The following CLNK variants were observed in gnomAD, a reference collection of about 807,000 sequenced individuals.
CLNK encodes cytokine-dependent hematopoietic cell linker.
A neutral mutation model predicts 68.6 loss-of-function variants in CLNK; 74 were observed. That is an observed-to-expected ratio of 1.08 (90% CI 0.89 to 1.31). The LOEUF (loss-of-function observed/expected upper bound fraction) is 1.31, where lower values mean the gene tolerates loss of function less well. Ranked by LOEUF, CLNK falls within the 50% of genes most tolerant of loss-of-function variation. The probability of loss-of-function intolerance (pLI) is 0.00; values close to 1 mark genes in which losing one functional copy is unlikely to be tolerated. For missense variants in CLNK, 553 were observed against 515.3 expected (o/e 1.07, Z -0.71); for synonymous variants, 198 against 172.2 (o/e 1.15, Z -1.17).
At chr4:10,612,269 C>T (rs1452707393) in intron 2 of CLNK, among the ~76,000 whole-genome samples, 1 of 152,214 alleles carries the variant, frequency 6.6e-6, no homozygotes, top group African/African-American at 2.4e-5. Flanking sequence ...TGTGAAGTGA[C>T]AGAAATGAGC....
chr4:10,533,571 G>A (rs1485993685), intron 11 of CLNK, among the ~76,000 whole-genome samples: 1 of 152,174 alleles, frequency 6.6e-6, no homozygotes, highest in African/African-American at 2.4e-5. Context: ...CTGTACCAAG[G>A]TTCCACGGTT....
At chr4:10,492,745 C>T (rs1024524365) in intron 18 of CLNK, among the ~76,000 whole-genome samples, 2 of 152,144 alleles carry the variant, frequency 1.3e-5, no homozygotes. Context: ...CAAACAGACA[C>T]CACGCTGGGG....
chr4:10,704,947 A>G, the CLNK span, among the ~76,000 whole-genome samples: 1 of 152,154 alleles, frequency 6.6e-6, no homozygotes, highest in African/African-American at 2.4e-5. Flanking sequence ...AGTGGTACCA[A>G]TGTGGTCAAT....
the CLNK span, among the ~76,000 whole-genome samples, chr4:10,703,880 T>C: frequency 1.3e-5 from 2 of 152,210 alleles, no homozygotes; most frequent in African/African-American, 4.8e-5. Flanking sequence ...GGGACCACTG[T>C]TGTATATGCA....
the CLNK span, among the ~76,000 whole-genome samples, chr4:10,731,042 C>T: frequency 6.6e-6 from 1 of 152,208 alleles, no homozygotes; most frequent in Non-Finnish European, 1.5e-5. Context: ...TTTAAAATAT[C>T]CAGCACTTCA....
the CLNK span, among the ~76,000 whole-genome samples, chr4:10,699,451 A>T: frequency 8.1e-6 from 1 of 124,006 alleles, no homozygotes; most frequent in African/African-American, 3.0e-5. Context: ...TATATAACCT[A>T]TGTACATCCT....
At chr4:10,678,569 A>G (rs1724961474) in intron 1 of CLNK, among the ~76,000 whole-genome samples, 1 of 152,232 alleles carries the variant, frequency 6.6e-6, no homozygotes, top group South Asian at 2.1e-4. Flanking sequence ...TGATGAAATT[A>G]GTTTCTGTAG....
chr4:10,706,793 A>G, the CLNK span, among the ~76,000 whole-genome samples: 1 of 152,102 alleles, frequency 6.6e-6, no homozygotes, highest in Admixed American at 6.6e-5. Context: ...TCCCTGTATG[A>G]TGTCTATAAA....
the CLNK span, among the ~76,000 whole-genome samples, chr4:10,691,876 T>C: frequency 1.3e-5 from 2 of 152,130 alleles, no homozygotes; most frequent in Non-Finnish European, 2.9e-5. Flanking sequence ...TATTAGTACA[T>C]GTGATTATTA....
the CLNK span, among the ~76,000 whole-genome samples, chr4:10,717,265 T>G: frequency 6.6e-6 from 1 of 152,154 alleles, no homozygotes; most frequent in African/African-American, 2.4e-5. Flanking sequence ...GATGTGTTTC[T>G]CTCCCTCCTC....
chr4:10,666,308 GTGTATGCCATC>G (rs1377373248), intron 2 of CLNK, among the ~76,000 whole-genome samples: 2 of 152,170 alleles, frequency 1.3e-5, no homozygotes, highest in African/African-American at 4.8e-5. Flanking sequence ...CTGCTGTGCT[GTGTATGCCATC>G]AGCACAAACC....
chr4:10,560,571 G>A (rs1031644932), intron 7 of CLNK, among the ~76,000 whole-genome samples: 2 of 152,044 alleles, frequency 1.3e-5, no homozygotes, highest in African/African-American at 4.8e-5. Context: ...AGCCTCCCAA[G>A]TAGCTGGGAC....
At chr4:10,576,968 G>T (rs1477345877) in intron 4 of CLNK, among the ~76,000 whole-genome samples, 2 of 152,230 alleles carry the variant, frequency 1.3e-5, no homozygotes, top group African/African-American at 2.4e-5. Flanking sequence ...GCTTTGCAGG[G>T]ACAGGGTAGC....
At chr4:10,673,306 A>G (rs1724731486) in intron 1 of CLNK, among the ~76,000 whole-genome samples, 1 of 152,194 alleles carries the variant, frequency 6.6e-6, no homozygotes, top group Non-Finnish European at 1.5e-5. Flanking sequence ...ACAGCTTTCT[A>G]TGGAACAGGT....
At chr4:10,591,709 C>T (rs1721184805) in intron 3 of CLNK, among the ~76,000 whole-genome samples, 1 of 152,184 alleles carries the variant, frequency 6.6e-6, no homozygotes, top group Non-Finnish European at 1.5e-5. Flanking sequence ...GCACAAGTGC[C>T]ACTTAAATTC....
intron 14 of CLNK, among the ~76,000 whole-genome samples, chr4:10,521,902 G>A (rs1410149561): frequency 6.6e-6 from 1 of 152,088 alleles, no homozygotes; most frequent in Non-Finnish European, 1.5e-5. Flanking sequence ...TCCTCTTGAG[G>A]ATATTCTAGA....
intron 1 of CLNK, among the ~76,000 whole-genome samples, chr4:10,684,024 T>A (rs1228903338): frequency 2.0e-5 from 3 of 152,222 alleles, no homozygotes; most frequent in African/African-American, 7.2e-5. Flanking sequence ...TGATAGTTAT[T>A]TTCTTTTCTG....
chr4:10,656,329 A>G (rs1376664688), intron 2 of CLNK, among the ~76,000 whole-genome samples: 2 of 85,034 alleles, frequency 2.4e-5, no homozygotes, highest in Non-Finnish European at 5.4e-5. Context: ...CAAATGCCTG[A>G]CCAAAAAAAA....
At chr4:10,701,650 G>T in the CLNK span, among the ~76,000 whole-genome samples, 1 of 152,174 alleles carries the variant, frequency 6.6e-6, no homozygotes, top group Non-Finnish European at 1.5e-5. Flanking sequence ...CTTGCCACAC[G>T]CCACCATAGA....
Sources: allele counts gnomAD v4.1 joint callset (sites outside exome capture counted in the v4.1 genomes callset), GRCh38; gene constraint gnomAD v4.1.1; transcripts MANE v1.5; gene names NCBI Gene and HGNC (gene_info 2026-07-23, HGNC 2026-07-21).